Variants in GRID1 observed in about 807,000 individuals in gnomAD.
GRID1 encodes the protein glutamate ionotropic receptor delta type subunit 1, also known as glutamate receptor ionotropic, delta-1.
Under a neutral mutation model 98.0 loss-of-function variants are expected in GRID1, and 28 were observed. The ratio of observed to expected loss-of-function variants is 0.29; its 90% CI spans 0.21 to 0.39. The LOEUF (loss-of-function observed/expected upper bound fraction) is 0.39. Ranked by LOEUF, GRID1 falls within the 10% of genes least tolerant of loss-of-function variation. GRID1 has a pLI of 1.00. For missense variants in GRID1, 1,111 were observed against 1,340.5 expected, an observed-to-expected ratio of 0.83 and a Z score of 2.67; for synonymous variants, 553 against 538.5, an observed-to-expected ratio of 1.03 and a Z score of -0.37.
At chr10:85,821,539 A>AAC (rs1842772059) in intron 8 of GRID1, among the ~76,000 whole-genome samples, 1,749 of 97,626 alleles carry the variant, frequency 0.018, 194 homozygotes, top group African/African-American at 0.063. Flanking sequence ...AAAAAAAAAA[A>AAC]AAAAAAGAAA....
chr10:85,647,328 C>G lies in GRID1; in HGVS notation c.2067G>C (p.Glu689Asp), dbSNP rs536824191. 7 of 1,614,204 alleles carry G rather than the reference C, an allele frequency of 4.3e-6. No homozygotes were observed. The South Asian group carries it at 7.7e-5, about 18-fold the overall frequency. ...GGTTGGTGCCCTTGGCTCGGAAGTA[C>G]TCATATACAGCAGAATCCCGGACAG... is the stretch of plus-strand genomic sequence containing the variant. The part of the protein sequence containing the change: ...YGTVRDSAVY[E>D]YFRAKGTNPL... The change falls in exon 13 of 16, where the codon GAG becomes GAC. Residue 689 changes from glutamate to aspartate, a missense_variant. By Grantham distance (45) the Glu-to-Asp change is conservative. Around this residue, in one of 3 missense-constraint regions of GRID1, gnomAD observed 762 missense variants for 869.1 expected, o/e 0.88. Coordinates refer to ENST00000327946, the MANE Select transcript of GRID1 (RefSeq NM_017551.3).
chr10:86,158,933 G>A (rs34575656), intron 3 of GRID1, among the ~76,000 whole-genome samples: 26,199 of 151,938 alleles, frequency 0.17, 3,409 homozygotes, highest in African/African-American at 0.36. Flanking sequence ...TCACTCTGTC[G>A]CCCAGGCTGG....
rs913727708 is a variant in GRID1, at chr10:85,724,520, C to A, written c.1690G>T (p.Ala564Ser). 4.3e-6 allele frequency: 7 copies of A among 1,613,892 alleles called. No homozygotes were observed. The highest frequency in any genetic ancestry group is 1.7e-5 in the Admixed American group (1 of 60,008). ...GCTGCTGCAATGCAGGCCCACACAG[C>A]GAAATCAAATGGAGCAAAGAGGGAG... ...IFSLFAPFDFAVWACIAAAIP... is the reference protein window; with the variant it reads ...IFSLFAPFDFSVWACIAAAIP... The change falls in exon 11 of 16, where the codon GCT becomes TCT. Residue 564 changes from alanine (A) to serine (S), a missense_variant. By Grantham distance (99) the Ala-to-Ser change is moderately conservative. Transcript: ENST00000327946.
At chr10:85,947,679 G>A (rs146847656) in intron 4 of GRID1, among the ~76,000 whole-genome samples, 4 of 152,298 alleles carry the variant, frequency 2.6e-5, no homozygotes, top group East Asian at 1.9e-4. Flanking sequence ...AAAATGCTTC[G>A]TAAAGAAGAC....
At chr10:86,190,107 C>T (rs1490835928) in intron 3 of GRID1, among the ~76,000 whole-genome samples, 2 of 152,170 alleles carry the variant, frequency 1.3e-5, no homozygotes, top group African/African-American at 2.4e-5. Context: ...TCAAAACACA[C>T]CGTTACCTTG....
intron 3 of GRID1, among the ~76,000 whole-genome samples, chr10:86,174,849 C>T (rs1343945747): frequency 6.6e-6 from 1 of 152,116 alleles, no homozygotes; most frequent in Non-Finnish European, 1.5e-5. Flanking sequence ...ACAGACACTT[C>T]TCAAAAGAAG....
At chr10:86,239,772 C>T (rs193001520) in intron 2 of GRID1, among the ~76,000 whole-genome samples, 17 of 152,326 alleles carry the variant, frequency 1.1e-4, no homozygotes, top group Middle Eastern at 3.4e-3. Flanking sequence ...TTTTCAGAGG[C>T]CTCCTAACCA....
At chr10:85,797,664 T>C (rs1842538047) in intron 8 of GRID1, among the ~76,000 whole-genome samples, 2 of 150,576 alleles carry the variant, frequency 1.3e-5, no homozygotes, top group Admixed American at 6.6e-5. Context: ...TTGGTCAGGC[T>C]GGTCTCTAAC....
At position 86,175,828 on chromosome 10, in the gene GRID1, A is replaced by G. The variant is rs1287715036; in HGVS notation, c.520+30536T>C. On this transcript the variant is annotated intron_variant, in intron 3 of 15. Coordinates refer to ENST00000327946, the MANE Select transcript of GRID1 (RefSeq NM_017551.3). The stretch of plus-strand genomic sequence containing the variant: ...GGGTTCAAGCGATTCTCCTGCCTCA[A>G]CCTCCTGAGTAGCTGAGATTACAGG... Among the ~76,000 whole-genome samples the G allele has an allele frequency of 2.7e-5, 4 of 149,862 alleles. No homozygotes were observed. In the East Asian group the frequency reaches 7.9e-4, roughly 30 times the overall value.
chr10:86,031,454 G>T (rs75342707), intron 4 of GRID1, among the ~76,000 whole-genome samples: 1 of 152,074 alleles, frequency 6.6e-6, no homozygotes, highest in Non-Finnish European at 1.5e-5. Context: ...TACCTATGGG[G>T]TACTATGTTC....
At chr10:85,688,396 T>G (rs1254796217) in intron 12 of GRID1, among the ~76,000 whole-genome samples, 1 of 152,216 alleles carries the variant, frequency 6.6e-6, no homozygotes, top group Non-Finnish European at 1.5e-5. Flanking sequence ...GAGACACGGC[T>G]GGAGTGCAGT....
At chr10:85,771,285 C>G (rs1842263741) in intron 8 of GRID1, among the ~76,000 whole-genome samples, 2 of 152,132 alleles carry the variant, frequency 1.3e-5, no homozygotes, top group African/African-American at 4.8e-5. Flanking sequence ...GAGATTTTGT[C>G]ACCACGAGGC....
intron 7 of GRID1, 84 bp from the exon 8 acceptor site, chr10:85,854,699 G>A (rs1025357509): frequency 2.8e-6 from 4 of 1,424,910 alleles, no homozygotes; most frequent in Admixed American, 3.5e-5. Flanking sequence ...CAAGGAAGTG[G>A]TCACCAAGAA....
chr10:85,748,170 A>G (rs1842014663), intron 8 of GRID1, among the ~76,000 whole-genome samples: 2 of 152,196 alleles, frequency 1.3e-5, no homozygotes, highest in African/African-American at 4.8e-5. Flanking sequence ...TCAGACATTC[A>G]AACATTCAGT....
rs566074098 is a variant in GRID1, at chr10:86,103,629, G to A, written c.726+35190C>T. Among the ~76,000 whole-genome samples, 22 of 152,338 alleles carry A rather than the reference G, an allele frequency of 1.4e-4. No individual in the cohort carries two copies. In the South Asian group the frequency reaches 4.1e-3, roughly 29 times the overall value. On this transcript the variant is annotated intron_variant, in intron 4 of 15. Transcript: ENST00000327946. Reference sequence around the variant, plus strand: ...CTGCTTATGTAATGCCTTCTTAGGGGACAGGAACAGGCTCCCCTTCATTCC... The same window carrying A: ...CTGCTTATGTAATGCCTTCTTAGGGAACAGGAACAGGCTCCCCTTCATTCC...
chr10:85,786,613 G>T (rs1447273251), intron 8 of GRID1, among the ~76,000 whole-genome samples: 4 of 152,170 alleles, frequency 2.6e-5, no homozygotes, highest in African/African-American at 9.7e-5. Context: ...TCACCCAGGG[G>T]CTTATTTCTA....
chr10:85,655,818 A>ACT (rs1840889112), intron 12 of GRID1, among the ~76,000 whole-genome samples: 1 of 151,862 alleles, frequency 6.6e-6, no homozygotes, highest in Admixed American at 6.6e-5. Flanking sequence ...CTTTGTTTTT[A>ACT]CTCCTATGCA....
intron 5 of GRID1, among the ~76,000 whole-genome samples, chr10:85,879,916 G>T (rs530574305): frequency 1.3e-5 from 2 of 151,762 alleles, no homozygotes; most frequent in Non-Finnish European, 2.9e-5. Context: ...TCAAATAGAC[G>T]CAATAAAAAA....
At chr10:86,361,508 C>T (rs1848600280) in intron 2 of GRID1, among the ~76,000 whole-genome samples, 4 of 152,206 alleles carry the variant, frequency 2.6e-5, no homozygotes, top group Non-Finnish European at 4.4e-5. Flanking sequence ...CCCACAGAGA[C>T]TGTGTCAGTC....
Sources: gnomAD v4.1 joint callset for allele counts (sites outside exome capture counted in the v4.1 genomes callset) on GRCh38, gnomAD v4.1.1 for gene constraint, gnomAD v4.1.1 regional missense constraint, MANE v1.5 for transcripts, NCBI Gene and HGNC (gene_info 2026-07-23, HGNC 2026-07-21) for gene names.